The following GSE1 variants were observed in gnomAD, a reference collection of about 807,000 sequenced individuals.
GSE1 encodes the protein genetic suppressor element 1.
A neutral mutation model predicts 112.6 loss-of-function variants in GSE1; 32 were observed. The observed-to-expected ratio is 0.28, with a 90% CI of 0.21 to 0.38. The LOEUF (loss-of-function observed/expected upper bound fraction) is 0.38. Among genes scored for constraint, GSE1 ranks in the 10% least tolerant of loss-of-function variants. The pLI is 1.00. For missense variants in GSE1, 2,348 were observed against 1,699.2 expected (o/e 1.38, Z -6.71); for synonymous variants, 1,115 against 735.6 (o/e 1.52, Z -8.35).
chr16:85,648,891 C>T (rs2051103137), intron 3 of GSE1, 140 bp downstream of exon 3: 1 of 527,342 alleles, frequency 1.9e-6, no homozygotes, highest in Non-Finnish European at 3.3e-6. Flanking sequence ...CCGTCTCCTT[C>T]TCTGCAACGT....
intron 2 of GSE1, among the ~76,000 whole-genome samples, chr16:85,455,980 C>T (rs72798974): frequency 5.9e-5 from 9 of 152,280 alleles, no homozygotes; most frequent in East Asian, 5.8e-4. Context: ...ATTTTAGAGA[C>T]GAGGAAACTA....
chr16:85,383,210 C>T (rs1258611365), intron 2 of GSE1, among the ~76,000 whole-genome samples: 2 of 151,924 alleles, frequency 1.3e-5, no homozygotes, highest in Non-Finnish European at 1.5e-5. Flanking sequence ...ACACACAGCC[C>T]TCTGTACATA....
chr16:85,461,590 G>A (rs2049969836), intron 2 of GSE1, among the ~76,000 whole-genome samples: 1 of 152,132 alleles, frequency 6.6e-6, no homozygotes, highest in Non-Finnish European at 1.5e-5. Flanking sequence ...TGGTGTACAT[G>A]GTTGTTTCTC....
chr16:85,223,292 G>A (rs868755492), intron 1 of GSE1, among the ~76,000 whole-genome samples: 1 of 152,300 alleles, frequency 6.6e-6, no homozygotes, highest in African/African-American at 2.4e-5. Flanking sequence ...GGAGGCCAAG[G>A]CGCGTGGATC....
intron 2 of GSE1, among the ~76,000 whole-genome samples, chr16:85,495,534 G>A (rs1286311637): frequency 2.0e-5 from 3 of 150,594 alleles, no homozygotes; most frequent in South Asian, 2.1e-4. Context: ...TTACTCTGTC[G>A]GGCCCAGGCT....
chr16:85,337,345 G>A (rs1208391977), intron 1 of GSE1, among the ~76,000 whole-genome samples: 4 of 141,280 alleles, frequency 2.8e-5, no homozygotes, highest in Non-Finnish European at 6.0e-5. Context: ...TCGCTCTGTC[G>A]CCCAGGCTGG....
At chr16:85,229,004 A>G (rs1341430473) in intron 1 of GSE1, among the ~76,000 whole-genome samples, 1 of 152,180 alleles carries the variant, frequency 6.6e-6, no homozygotes, top group East Asian at 1.9e-4. Context: ...GCCTCACCAG[A>G]TGGACGTCCA....
At chr16:85,308,425 G>C (rs1234952343) in intron 1 of GSE1, among the ~76,000 whole-genome samples, 1 of 152,084 alleles carries the variant, frequency 6.6e-6, no homozygotes, top group Non-Finnish European at 1.5e-5. Flanking sequence ...GGCAATCCTC[G>C]AACATCAGTG....
upstream of GSE1, among the ~76,000 whole-genome samples, chr16:85,612,538 G>A (rs1221893395): frequency 1.3e-5 from 2 of 152,180 alleles, no homozygotes; most frequent in East Asian, 3.9e-4. Context: ...GGGTTCTCCA[G>A]CCCCTGGGCC....
intron 2 of GSE1, among the ~76,000 whole-genome samples, chr16:85,399,172 G>A (rs750721436): frequency 4.6e-5 from 7 of 152,152 alleles, no homozygotes; most frequent in Non-Finnish European, 7.4e-5. Context: ...GCATATGACC[G>A]TATAGATGTG....
intron 2 of GSE1, among the ~76,000 whole-genome samples, chr16:85,547,448 C>T (rs1452481307): frequency 2.0e-5 from 3 of 152,218 alleles, no homozygotes; most frequent in Admixed American, 1.3e-4. Flanking sequence ...TCTATTTTCA[C>T]GTGGCCATCT....
rs151033338 is a variant in GSE1, at chr16:85,660,285, T to C, written c.1641-861T>C. ...GGCCTGAGAGGGTCTCTGCCTTCCC[T>C]AGCAGCTTAGGCTGGGAGCCTCCCT... On this transcript the variant is annotated intron_variant, in intron 8 of 15. Coordinates refer to ENST00000253458, the MANE Select transcript of GSE1 (RefSeq NM_014615.5). Among the ~76,000 whole-genome samples the C allele has an allele frequency of 9.7e-4, 148 of 152,286 alleles. 2 individuals carry two copies. In the East Asian group the frequency reaches 0.026, roughly 26 times the overall value.
intron 2 of GSE1, among the ~76,000 whole-genome samples, chr16:85,478,013 C>T (rs1000328813): frequency 3.3e-5 from 5 of 152,228 alleles, no homozygotes; most frequent in African/African-American, 9.6e-5. Context: ...TCCCCATTAG[C>T]GGTCACTCCG....
intron 3 of GSE1, among the ~76,000 whole-genome samples, chr16:85,653,012 G>A (rs889112493): frequency 1.6e-4 from 24 of 151,468 alleles, no homozygotes; most frequent in Admixed American, 1.4e-3. Flanking sequence ...AGGGGCCAGC[G>A]TGGCCATGGC....
chr16:85,332,644 C>A (rs994246537), intron 1 of GSE1, among the ~76,000 whole-genome samples: 4 of 152,146 alleles, frequency 2.6e-5, no homozygotes, highest in African/African-American at 9.7e-5. Flanking sequence ...CTCCTTCTCC[C>A]CTGGCTTCCT....
intron 1 of GSE1, among the ~76,000 whole-genome samples, chr16:85,299,105 C>T (rs1036607045): frequency 2.6e-5 from 4 of 152,230 alleles, no homozygotes; most frequent in African/African-American, 9.6e-5. Context: ...GTGCAGTGAA[C>T]ATGCAGCATG....
chr16:85,499,880 GA>G (rs1352841218), intron 2 of GSE1, among the ~76,000 whole-genome samples: 2 of 152,198 alleles, frequency 1.3e-5, no homozygotes, highest in African/African-American at 2.4e-5. Context: ...ACGTACATGG[GA>G]AAAACCTTTT....
intron 1 of GSE1, among the ~76,000 whole-genome samples, chr16:85,272,574 TGGA>T (rs1480438988): frequency 6.6e-6 from 1 of 151,756 alleles, no homozygotes; most frequent in Admixed American, 6.6e-5. Context: ...GTGGGAGGGG[TGGA>T]GCCGTGCTCA....
At chr16:85,626,139 GA>G (rs931877784) in intron 1 of GSE1, among the ~76,000 whole-genome samples, 22 of 149,986 alleles carry the variant, frequency 1.5e-4, no homozygotes, top group African/African-American at 2.7e-4. Context: ...TTTTTATTTG[GA>G]AAAAAAAAAT....
Sources: allele counts gnomAD v4.1 joint callset (sites outside exome capture counted in the v4.1 genomes callset), GRCh38; gene constraint gnomAD v4.1.1; transcripts MANE v1.5; gene names NCBI Gene and HGNC (gene_info 2026-07-23, HGNC 2026-07-21).